Variants in DOCK3 observed in about 807,000 individuals in gnomAD.
DOCK3 encodes the protein dedicator of cytokinesis 3.
A neutral mutation model predicts 265.6 loss-of-function variants in DOCK3; 60 were observed. The ratio of observed to expected loss-of-function variants is 0.23; its 90% CI spans 0.18 to 0.28. The LOEUF (loss-of-function observed/expected upper bound fraction) is 0.28, where lower values mean the gene tolerates loss of function less well. Ranked by LOEUF, DOCK3 falls within the 10% of genes least tolerant of loss-of-function variation. DOCK3 has a pLI of 1.00. For missense variants in DOCK3, 1,981 were observed against 2,594.3 expected (o/e 0.76, Z 5.14); for synonymous variants, 881 against 938.0 (o/e 0.94, Z 1.11).
intron 1 of DOCK3, among the ~76,000 whole-genome samples, chr3:50,777,816 T>C (rs762084054): frequency 2.0e-5 from 3 of 152,252 alleles, no homozygotes; most frequent in Middle Eastern, 6.8e-3. Flanking sequence ...AGGAATCTTT[T>C]GTATGACGGG....
intron 5 of DOCK3, among the ~76,000 whole-genome samples, chr3:51,048,533 A>G (rs1026024104): frequency 6.6e-6 from 1 of 152,234 alleles, no homozygotes; most frequent in Non-Finnish European, 1.5e-5. Flanking sequence ...CTTTATACAC[A>G]TAGCCTGAAG....
At chr3:51,274,953 C>A in intron 24 of DOCK3, 126 bp from the exon 25 acceptor site, 1 of 1,128,418 alleles carries the variant, frequency 8.9e-7, no homozygotes, top group Admixed American at 1.8e-5. Context: ...AGGAGATTAC[C>A]TTCACTTTTG....
At position 51,214,238 on chromosome 3, in the gene DOCK3, A is replaced by C; in HGVS notation, c.1243A>C (p.Ile415Leu). ...AAGAAAATTGGGATTTCCTGATGTC[A>C]TTATGCCAGGTATGCAGAACTGCTT... ...ITRKLGFPDVIMPGDIRNDLY... is the reference protein window; with the variant it reads ...ITRKLGFPDVLMPGDIRNDLY... The change falls in exon 14 of 53, where the codon ATT becomes CTT. Residue 415 changes from isoleucine (I) to leucine (L), a missense_variant. This residue lies in a region of DOCK3 where 456 missense variants were observed against 539.0 expected (regional missense o/e 0.85). Transcript: ENST00000266037. 1 of 1,613,672 alleles carries C rather than the reference A, an allele frequency of 6.2e-7. No homozygotes were observed. The highest frequency in any genetic ancestry group is 8.5e-7 in the Non-Finnish European group (1 of 1,179,762).
intron 8 of DOCK3, 34 bp downstream of exon 8, chr3:51,089,318 C>A: frequency 6.3e-7 from 1 of 1,597,094 alleles, no homozygotes; most frequent in East Asian, 2.2e-5. Flanking sequence ...CAGCCTTTCC[C>A]CTCAACTTTT....
In DOCK3 at chr3:51,214,184, A is replaced by T; in HGVS notation, c.1189A>T (p.Met397Leu). 1 of 1,613,792 alleles carries T rather than the reference A, an allele frequency of 6.2e-7. No individual in the cohort carries two copies. The highest frequency in any genetic ancestry group is 8.5e-7 in the Non-Finnish European group (1 of 1,179,816). The change falls in exon 14 of 53, where the codon ATG becomes TTG. Residue 397 changes from methionine to leucine, a missense_variant. Met to Leu is a conservative substitution (Grantham distance 15). Transcript: ENST00000266037. ...DMEQIRRENP[M>L]IFNRGLAITR... The stretch of plus-strand genomic sequence containing the variant: ...GGAACAGATTCGGAGAGAAAATCCC[A>T]TGATATTTAATAGGGGATTGGCAAT...
chr3:51,288,901 TGG>T (rs1303273802), intron 27 of DOCK3, among the ~76,000 whole-genome samples: 4 of 143,648 alleles, frequency 2.8e-5, no homozygotes, highest in Non-Finnish European at 5.9e-5. Flanking sequence ...TGTGTGTGTG[TGG>T]GTGTGTGTGT....
At chr3:51,176,678 G>A (rs534065242) in intron 12 of DOCK3, among the ~76,000 whole-genome samples, 1 of 152,198 alleles carries the variant, frequency 6.6e-6, no homozygotes, top group Admixed American at 6.5e-5. Context: ...TCTTAATAAG[G>A]TCTGCTACCT....
chr3:50,693,729 G>T (rs2035415704), intron 1 of DOCK3, among the ~76,000 whole-genome samples: 1 of 150,820 alleles, frequency 6.6e-6, no homozygotes, highest in African/African-American at 2.4e-5. Flanking sequence ...TAGAGATGGG[G>T]TTTCACCATG....
At chr3:51,234,543 A>G (rs528685909) in intron 19 of DOCK3, among the ~76,000 whole-genome samples, 1 of 152,280 alleles carries the variant, frequency 6.6e-6, no homozygotes, top group East Asian at 1.9e-4. Flanking sequence ...CTTTTTTAAA[A>G]AGGTATATAG....
intron 1 of DOCK3, chr3:50,720,045 G>A (rs560692217): frequency 2.3e-4 from 52 of 224,930 alleles, no homozygotes; most frequent in African/African-American, 1.2e-3. Flanking sequence ...TCTGCTTTGT[G>A]GTGAAAACAT....
At chr3:50,937,990 C>T (rs989175095) in intron 5 of DOCK3, among the ~76,000 whole-genome samples, 9 of 151,912 alleles carry the variant, frequency 5.9e-5, no homozygotes, top group African/African-American at 2.2e-4. Flanking sequence ...ACTTCAAACT[C>T]ACTTGTCTAT....
At chr3:51,270,357 C>T (rs2108870282) in intron 23 of DOCK3, among the ~76,000 whole-genome samples, 1 of 152,332 alleles carries the variant, frequency 6.6e-6, no homozygotes, top group East Asian at 1.9e-4. Context: ...TCACTGGCTG[C>T]AGGGCTGTGA....
chr3:51,044,630 G>C (rs1023548478), intron 5 of DOCK3, among the ~76,000 whole-genome samples: 12 of 150,096 alleles, frequency 8.0e-5, no homozygotes, highest in African/African-American at 2.9e-4. Context: ...TTAATAGAAG[G>C]CCGTTTTGTC....
intron 5 of DOCK3, among the ~76,000 whole-genome samples, chr3:51,052,024 C>T (rs765357985): frequency 4.6e-5 from 7 of 152,158 alleles, no homozygotes; most frequent in Non-Finnish European, 1.0e-4. Flanking sequence ...TGCATCTCAA[C>T]ATGAGATTTG....
chr3:50,818,758 G>A (rs1372207328), intron 2 of DOCK3, among the ~76,000 whole-genome samples: 1 of 152,038 alleles, frequency 6.6e-6, no homozygotes, highest in Non-Finnish European at 1.5e-5. Flanking sequence ...ATGTCTTAGA[G>A]GTTGAGGGTA....
chr3:51,165,275 T>A (rs769592438), intron 12 of DOCK3, among the ~76,000 whole-genome samples: 1 of 152,198 alleles, frequency 6.6e-6, no homozygotes, highest in Non-Finnish European at 1.5e-5. Context: ...TGAAGGCCCA[T>A]TGGGCCATCC....
At chr3:51,246,244 T>TC (rs2078835594) in intron 21 of DOCK3, among the ~76,000 whole-genome samples, 1 of 151,214 alleles carries the variant, frequency 6.6e-6, no homozygotes, top group Non-Finnish European at 1.5e-5. Context: ...TTTTTTTTTT[T>TC]TTTTTTCAGA....
chr3:51,041,175 TATATATATATATATATATATATA>T (rs1559977287), intron 5 of DOCK3, among the ~76,000 whole-genome samples: 2 of 11,124 alleles, frequency 1.8e-4, no homozygotes, highest in African/African-American at 5.6e-4. Context: ...TATATATATA[TATATATATATATATATATATATA>T]TATATATTTT....
chr3:50,950,667 C>T (rs753641100), intron 5 of DOCK3, among the ~76,000 whole-genome samples: 1 of 152,064 alleles, frequency 6.6e-6, no homozygotes, highest in Non-Finnish European at 1.5e-5. Flanking sequence ...TTCTAGAATT[C>T]CAGCCTTCCA....
Sources: gnomAD v4.1 joint callset for allele counts (sites outside exome capture counted in the v4.1 genomes callset) on GRCh38, gnomAD v4.1.1 for gene constraint, gnomAD v4.1.1 regional missense constraint, MANE v1.5 for transcripts, NCBI Gene and HGNC (gene_info 2026-07-23, HGNC 2026-07-21) for gene names.